The following DENND1A variants were observed in gnomAD, a reference collection of about 807,000 sequenced individuals.
DENND1A encodes the protein DENN domain-containing protein 1A.
DENND1A carries 51 observed loss-of-function variants against 113.7 expected under a neutral mutation model. The observed-to-expected ratio is 0.45, with a 90% CI of 0.36 to 0.57. The LOEUF (loss-of-function observed/expected upper bound fraction) is 0.57, where lower values mean the gene tolerates loss of function less well. DENND1A is among the 20% of genes least tolerant of loss of function. The pLI is 0.00. For missense variants in DENND1A, 1,258 were observed against 1,395.9 expected (o/e 0.90, Z 1.57); for synonymous variants, 565 against 570.8 (o/e 0.99, Z 0.14).
At chr9:123,445,280 C>G (rs6478614) in intron 18 of DENND1A, among the ~76,000 whole-genome samples, 148,073 of 152,282 alleles carry the variant, frequency 0.97, 72,096 homozygotes, top group Non-Finnish European at 1. Flanking sequence ...GGACTTATGA[C>G]CCAGTGATGA....
intron 1 of DENND1A, among the ~76,000 whole-genome samples, chr9:123,917,756 A>C (rs965724221): frequency 1.4e-4 from 22 of 152,020 alleles, no homozygotes; most frequent in Non-Finnish European, 2.9e-4. Flanking sequence ...TGGAGGAGGA[A>C]ACACAGATGA....
intron 3 of DENND1A, among the ~76,000 whole-genome samples, chr9:123,775,446 G>A (rs908753616): frequency 1.3e-5 from 2 of 152,084 alleles, no homozygotes; most frequent in Non-Finnish European, 2.9e-5. Flanking sequence ...AAAGGAATAG[G>A]GGTCCCAACA....
intron 9 of DENND1A, 149 bp downstream of exon 9, chr9:123,651,864 A>C: frequency 1.7e-6 from 1 of 605,276 alleles, no homozygotes; most frequent in Non-Finnish European, 2.7e-6. Flanking sequence ...CTGTAAAAAA[A>C]AAAAAATGAA....
chr9:123,667,064 C>T lies in DENND1A; in HGVS notation c.469G>A (p.Val157Met). 1.3e-6 allele frequency: 2 copies of T among 1,598,856 alleles called. No homozygotes were observed. The highest frequency in any genetic ancestry group is 1.7e-6 in the Non-Finnish European group (2 of 1,175,442). ...VHLSVHSYFTVPDTRELPSIP... is the reference protein window; with the variant it reads ...VHLSVHSYFTMPDTRELPSIP... ...CTGGGAAGTTCTCTGGTATCAGGCA[C>T]AGTAAAATAAGAATGCTAGAAAAGA... is the stretch of plus-strand genomic sequence containing the variant. The change falls in exon 8 of 24, where the codon GTG (valine) becomes ATG (methionine). Residue 157 changes from valine to methionine, a missense_variant. Val to Met is a conservative substitution (Grantham distance 21, BLOSUM62 1). Around this residue, in one of 2 missense-constraint regions of DENND1A, gnomAD observed 1,159 missense variants for 1,231.7 expected, o/e 0.94. Transcript: ENST00000394215.
intron 3 of DENND1A, among the ~76,000 whole-genome samples, chr9:123,773,935 A>T (rs995146800): frequency 6.6e-6 from 1 of 152,126 alleles, no homozygotes; most frequent in Non-Finnish European, 1.5e-5. Context: ...AAATATGTAA[A>T]GCCACAATTA....
At chr9:123,447,609 G>T (rs572979765) in intron 18 of DENND1A, among the ~76,000 whole-genome samples, 1 of 152,236 alleles carries the variant, frequency 6.6e-6, no homozygotes, top group East Asian at 1.9e-4. Context: ...GGTCACCATT[G>T]CTATGCAGAG....
intron 3 of DENND1A, among the ~76,000 whole-genome samples, chr9:123,789,950 T>G (rs1832753396): frequency 1.3e-5 from 2 of 151,814 alleles, no homozygotes; most frequent in Admixed American, 6.6e-5. Context: ...ACTGGTAGTT[T>G]AGGCGAATGA....
intron 16 of DENND1A, among the ~76,000 whole-genome samples, chr9:123,453,801 C>T (rs2047911026): frequency 6.6e-6 from 1 of 152,182 alleles, no homozygotes; most frequent in Non-Finnish European, 1.5e-5. Flanking sequence ...TGTTGTAGGA[C>T]AATGGGAAAT....
chr9:123,919,194 G>A (rs560634403), intron 1 of DENND1A, among the ~76,000 whole-genome samples: 8 of 151,980 alleles, frequency 5.3e-5, no homozygotes, highest in East Asian at 1.9e-4. Flanking sequence ...TTTTTTGACC[G>A]GGTGCAGTGG....
intron 13 of DENND1A, among the ~76,000 whole-genome samples, chr9:123,534,435 C>A (rs1289436128): frequency 6.6e-6 from 1 of 152,136 alleles, no homozygotes; most frequent in African/African-American, 2.4e-5. Flanking sequence ...AAATATTATT[C>A]ATCTACTATC....
chr9:123,581,095 C>T (rs925531859), intron 12 of DENND1A, among the ~76,000 whole-genome samples: 2 of 150,454 alleles, frequency 1.3e-5, no homozygotes, highest in South Asian at 4.1e-4. Context: ...GCCATGTGGG[C>T]TCTGCAGACC....
intron 6 of DENND1A, among the ~76,000 whole-genome samples, chr9:123,675,192 A>C (rs2063999287): frequency 6.6e-6 from 1 of 152,146 alleles, no homozygotes; most frequent in Non-Finnish European, 1.5e-5. Flanking sequence ...CCAGTGAGTA[A>C]ATCTATCTCT....
intron 5 of DENND1A, among the ~76,000 whole-genome samples, chr9:123,683,454 C>T (rs1412998602): frequency 6.6e-6 from 1 of 152,124 alleles, no homozygotes. Context: ...AAATTATAAC[C>T]TCCTCTCCCC....
At chr9:123,526,891 T>C (rs2054895575) in intron 13 of DENND1A, among the ~76,000 whole-genome samples, 2 of 152,302 alleles carry the variant, frequency 1.3e-5, no homozygotes, top group Non-Finnish European at 2.9e-5. Context: ...CAAATCCGTA[T>C]CTTCATCTCA....
intron 9 of DENND1A, among the ~76,000 whole-genome samples, chr9:123,636,235 A>T (rs1396978272): frequency 6.6e-6 from 1 of 151,868 alleles, no homozygotes; most frequent in African/African-American, 2.4e-5. Context: ...ACTCTGAAGA[A>T]CTCAGATGTA....
chr9:123,386,029 G>A (rs928489440), intron 22 of DENND1A, among the ~76,000 whole-genome samples: 2 of 152,116 alleles, frequency 1.3e-5, no homozygotes, highest in South Asian at 2.1e-4. Context: ...GCGAGCCCTC[G>A]CCGTTATTTA....
In DENND1A at chr9:123,462,160, A is replaced by AG. The variant is rs2048580837; in HGVS notation, c.994-4264dup. 2.0e-5 allele frequency: 3 copies of AG among 152,416 alleles called. No individual in the cohort carries two copies. In the South Asian group the frequency reaches 6.2e-4, roughly 32 times the overall value. The allele number at this position is 152,416 out of a possible 1,614,324, so 9.4% of individuals were successfully genotyped here. ...AAGGTCTGAATGGCACCAGGCACAG[A>AG]GGGCTCTTTTCCCTGGAGCAACTCA... On this transcript the variant is annotated intron_variant, in intron 13 of 23. Transcript: ENST00000394215.
Position 123,630,358 on chromosome 9 carries a change from C to T in DENND1A, c.719+18G>A. 1.3e-6 allele frequency: 2 copies of T among 1,569,118 alleles called. No individual in the cohort carries two copies. The highest frequency in any genetic ancestry group is 1.7e-6 in the Non-Finnish European group (2 of 1,153,304). On this transcript the variant is annotated intron_variant, in intron 10 of 23. Coordinates refer to ENST00000394215, the MANE Select transcript of DENND1A (RefSeq NM_001352964.2). Reference sequence around the variant, plus strand: ...ATCAGGGCAAAGGAGAAGCAGAGGACAGGGCCAGCCACCTTACCAGCAGTA... The same window carrying T: ...ATCAGGGCAAAGGAGAAGCAGAGGATAGGGCCAGCCACCTTACCAGCAGTA...
intron 13 of DENND1A, among the ~76,000 whole-genome samples, chr9:123,487,749 C>T (rs1322075428): frequency 6.6e-6 from 1 of 152,084 alleles, no homozygotes; most frequent in African/African-American, 2.4e-5. Context: ...AAGAGGGGGG[C>T]TGGGGGAACA....
Sources: gnomAD v4.1 joint callset for allele counts (sites outside exome capture counted in the v4.1 genomes callset) on GRCh38, gnomAD v4.1.1 for gene constraint, gnomAD v4.1.1 regional missense constraint, MANE v1.5 for transcripts, NCBI Gene and HGNC (gene_info 2026-07-23, HGNC 2026-07-21) for gene names.